GMDS: variants seen among roughly 807,000 people sequenced by gnomAD.
GMDS encodes GDP-mannose 4,6-dehydratase.
A neutral mutation model predicts 49.9 loss-of-function variants in GMDS; 20 were observed. The ratio of observed to expected loss-of-function variants is 0.40; its 90% CI spans 0.28 to 0.58. The LOEUF is 0.58. Ranked by LOEUF, GMDS falls within the 20% of genes least tolerant of loss-of-function variation. The pLI is 0.42. For missense variants in GMDS, 362 were observed against 481.4 expected (o/e 0.75, Z 2.32); for synonymous variants, 177 against 178.6 (o/e 0.99, Z 0.07).
intron 6 of GMDS, among the ~76,000 whole-genome samples, chr6:1,952,620 G>A (rs942142575): frequency 5.9e-5 from 9 of 152,172 alleles, no homozygotes; most frequent in Non-Finnish European, 7.4e-5. Context: ...CAACGGAAGC[G>A]CTCCTGGGGG....
chr6:1,884,561 C>T (rs765515354), intron 7 of GMDS, among the ~76,000 whole-genome samples: 13 of 152,216 alleles, frequency 8.5e-5, no homozygotes, highest in Non-Finnish European at 1.3e-4. Flanking sequence ...TAACATAACA[C>T]AGTCCACAGG....
At chr6:1,815,751 G>C (rs1377688897) in intron 7 of GMDS, among the ~76,000 whole-genome samples, 1 of 152,152 alleles carries the variant, frequency 6.6e-6, no homozygotes. Flanking sequence ...TAAATGAAAA[G>C]GAACACAAGA....
At chr6:1,685,507 T>C (rs948445025) in intron 9 of GMDS, among the ~76,000 whole-genome samples, 1 of 152,146 alleles carries the variant, frequency 6.6e-6, no homozygotes, top group African/African-American at 2.4e-5. Context: ...TAAAAAAAAC[T>C]GTTTAATCTG....
chr6:2,130,263 AAC>A (rs1006532091), intron 1 of GMDS, among the ~76,000 whole-genome samples: 17 of 152,252 alleles, frequency 1.1e-4, no homozygotes, highest in Non-Finnish European at 2.2e-4. Context: ...CAATATTTAA[AAC>A]ACAGAAATAA....
chr6:2,142,963 T>G (rs1364637834), intron 1 of GMDS, among the ~76,000 whole-genome samples: 2 of 152,054 alleles, frequency 1.3e-5, no homozygotes, highest in East Asian at 3.9e-4. Context: ...TCAGTGGAAC[T>G]CACAATTCTA....
chr6:2,232,518 T>C (rs772806803), intron 1 of GMDS, among the ~76,000 whole-genome samples: 1 of 152,204 alleles, frequency 6.6e-6, no homozygotes, highest in Non-Finnish European at 1.5e-5. Flanking sequence ...TTAGAGGACT[T>C]CAAAACTGGT....
chr6:1,698,154 G>A (rs902666637), intron 9 of GMDS, among the ~76,000 whole-genome samples: 4 of 152,258 alleles, frequency 2.6e-5, no homozygotes, highest in Non-Finnish European at 5.9e-5. Flanking sequence ...CCGGACTCCA[G>A]TAATAACAGC....
intron 7 of GMDS, among the ~76,000 whole-genome samples, chr6:1,827,155 A>ATG (rs1771158710): frequency 6.7e-6 from 1 of 148,648 alleles, no homozygotes; most frequent in African/African-American, 2.5e-5. Context: ...ATATATATGC[A>ATG]CACACACACA....
intron 7 of GMDS, among the ~76,000 whole-genome samples, chr6:1,804,340 G>A (rs1407699636): frequency 6.6e-6 from 1 of 152,254 alleles, no homozygotes; most frequent in African/African-American, 2.4e-5. Flanking sequence ...TGCATTTCCC[G>A]TCAGTCTGAA....
At chr6:2,055,932 T>A (rs796469588) in intron 4 of GMDS, among the ~76,000 whole-genome samples, 1 of 152,164 alleles carries the variant, frequency 6.6e-6, no homozygotes, top group African/African-American at 2.4e-5. Flanking sequence ...TACTCATCAT[T>A]GTAATTTTTC....
chr6:2,207,306 C>G (rs1483929441), intron 1 of GMDS, among the ~76,000 whole-genome samples: 2 of 151,902 alleles, frequency 1.3e-5, no homozygotes, highest in Non-Finnish European at 2.9e-5. Flanking sequence ...GGACATGTCT[C>G]CCAACTCTCA....
At chr6:1,751,782 G>A (rs56005436) in intron 7 of GMDS, among the ~76,000 whole-genome samples, 2,001 of 152,228 alleles carry the variant, frequency 0.013, 27 homozygotes, top group Non-Finnish European at 0.02. Context: ...ATGAGCCACC[G>A]TGCCCAGCTG....
chr6:1,860,701 T>C (rs1265271728), intron 7 of GMDS, among the ~76,000 whole-genome samples: 9 of 152,332 alleles, frequency 5.9e-5, no homozygotes, highest in African/African-American at 1.7e-4. Flanking sequence ...GAGAAGAGTC[T>C]TCTCACATTG....
chr6:2,038,818 C>T (rs1438959960), intron 4 of GMDS, among the ~76,000 whole-genome samples: 2 of 152,128 alleles, frequency 1.3e-5, no homozygotes, highest in African/African-American at 4.8e-5. Flanking sequence ...CATATAGTTG[C>T]TCATTAATGG....
At chr6:2,140,785 G>C (rs895604292) in intron 1 of GMDS, among the ~76,000 whole-genome samples, 2 of 152,210 alleles carry the variant, frequency 1.3e-5, no homozygotes, top group Non-Finnish European at 2.9e-5. Context: ...AATGTTGCAA[G>C]AAGTCAACCA....
Position 1,786,973 on chromosome 6 carries a change from C to T in GMDS, c.772-44387G>A, listed in dbSNP as rs181722895. On this transcript the variant is annotated intron_variant, in intron 7 of 10. Transcript: ENST00000380815. ...CTACAGCCTCGCGCCACTCTGCCAG[C>T]GCGTACCCACAGCCAAGGGCCCATC... 1.9e-3 allele frequency among the ~76,000 whole-genome samples: 296 copies of T among 152,310 alleles called. 3 individuals carry two copies. The highest frequency in any genetic ancestry group is 6.8e-3 in the African/African-American group (282 of 41,554).
chr6:1,894,654 G>A (rs757801298), intron 7 of GMDS, among the ~76,000 whole-genome samples: 19 of 152,144 alleles, frequency 1.2e-4, no homozygotes, highest in Non-Finnish European at 2.6e-4. Flanking sequence ...TATCCAGTAA[G>A]GGAATAAATG....
intron 4 of GMDS, among the ~76,000 whole-genome samples, chr6:1,978,526 C>T (rs910500143): frequency 2.0e-5 from 3 of 152,158 alleles, no homozygotes; most frequent in Non-Finnish European, 2.9e-5. Context: ...CCGTTATACT[C>T]CTCCTTGTGG....
intron 9 of GMDS, among the ~76,000 whole-genome samples, chr6:1,669,434 T>G (rs1329514154): frequency 1.6e-4 from 24 of 152,212 alleles, no homozygotes; most frequent in Admixed American, 1.6e-3. Context: ...ATTCAATAAA[T>G]GTATGAAACG....
Sources: gnomAD v4.1 joint callset for allele counts (sites outside exome capture counted in the v4.1 genomes callset) on GRCh38, gnomAD v4.1.1 for gene constraint, MANE v1.5 for transcripts, NCBI Gene and HGNC (gene_info 2026-07-23, HGNC 2026-07-21) for gene names.